Variants in BRIP1 observed in about 807,000 individuals in gnomAD.
The protein encoded by BRIP1 is Fanconi anemia group J protein.
BRIP1 carries 88 observed loss-of-function variants against 119.7 expected under a neutral mutation model. The observed-to-expected ratio is 0.74, with a 90% confidence interval of 0.62 to 0.88. The LOEUF is 0.88. Ranked by LOEUF, BRIP1 falls within the 40% of genes least tolerant of loss-of-function variation. The pLI is 0.00. For synonymous variants in BRIP1, 443 were observed against 496.5 expected, an observed-to-expected ratio of 0.89 and a Z score of 1.43; for missense variants, 1,259 against 1,455.4, an observed-to-expected ratio of 0.87 and a Z score of 2.20.
intron 6 of BRIP1, among the ~76,000 whole-genome samples, chr17:61,836,871 C>T (rs1253917300): frequency 1.3e-5 from 2 of 152,124 alleles, no homozygotes; most frequent in African/African-American, 4.8e-5. Context: ...AAAAAGTCAT[C>T]TGGAAGAGTT....
intron 14 of BRIP1, among the ~76,000 whole-genome samples, chr17:61,771,015 A>G (rs2077440112): frequency 1.3e-5 from 2 of 152,246 alleles, no homozygotes; most frequent in South Asian, 4.1e-4. Context: ...TGCTCCAACT[A>G]TATGCTGTCT....
intron 4 of BRIP1, among the ~76,000 whole-genome samples, chr17:61,850,380 C>G (rs931539193): frequency 4.0e-5 from 6 of 151,862 alleles, no homozygotes; most frequent in Non-Finnish European, 8.8e-5. Context: ...GGATTACAGG[C>G]GTGAGCCACC....
Position 61,680,375 on chromosome 17 carries a change from G to C in BRIP1, c.*2921C>G, listed in dbSNP as rs1383750488. Among the ~76,000 whole-genome samples the C allele has an allele frequency of 6.6e-6, 1 of 151,262 alleles. No homozygotes were observed. The highest frequency in any genetic ancestry group is 1.9e-4 in the East Asian group (1 of 5,158). On this transcript the variant is annotated 3_prime_UTR_variant, in exon 20 of 20. Transcript: ENST00000259008. ...AAACAAACAAACAAAAACATATCTA[G>C]CTAGGGAAAGGGGAAAGTATTGGAG...
chr17:61,838,967 C>T (rs1320301617), intron 6 of BRIP1, among the ~76,000 whole-genome samples: 1 of 151,924 alleles, frequency 6.6e-6, no homozygotes, highest in African/African-American at 2.4e-5. Flanking sequence ...CATGAAACCA[C>T]CTATCCCAAA....
intron 19 of BRIP1, 151 bp downstream of exon 19, chr17:61,685,685 A>G: frequency 1.3e-6 from 1 of 753,674 alleles, no homozygotes; most frequent in Non-Finnish European, 2.1e-6. Flanking sequence ...TTCCCATTAC[A>G]GTACACCATA....
In BRIP1 at chr17:61,804,774, A is replaced by G. The variant is rs1437776848; in HGVS notation, c.919-3300T>C. Among the ~76,000 whole-genome samples, 1 of 151,822 alleles carries G rather than the reference A, an allele frequency of 6.6e-6. No individual in the cohort carries two copies. The highest frequency in any genetic ancestry group is 2.4e-5 in the African/African-American group (1 of 41,406). Reference sequence around the variant, plus strand: ...AATTATTAAAATTATAAAATATAAAAATAATTAGTCTAACAAGGTTCAGCA... The same window carrying G: ...AATTATTAAAATTATAAAATATAAAGATAATTAGTCTAACAAGGTTCAGCA... On this transcript the variant is annotated intron_variant, in intron 7 of 19. Coordinates refer to ENST00000259008, the MANE Select transcript of BRIP1 (RefSeq NM_032043.3). This position sits in a 1 kb window ranked among gnomAD's most constrained non-coding sequence, Gnocchi z 4.5.
At chr17:61,829,995 C>T (rs919015875) in intron 6 of BRIP1, among the ~76,000 whole-genome samples, 2 of 151,158 alleles carry the variant, frequency 1.3e-5, no homozygotes, top group African/African-American at 4.9e-5. Context: ...TGCAATGGCA[C>T]GATCTCAGCT....
intron 8 of BRIP1, among the ~76,000 whole-genome samples, chr17:61,800,876 T>C (rs563360494): frequency 4.6e-5 from 7 of 152,296 alleles, no homozygotes; most frequent in Admixed American, 4.6e-4. Flanking sequence ...CAAACACAAA[T>C]GCCATTATCT....
intron 16 of BRIP1, among the ~76,000 whole-genome samples, chr17:61,732,731 G>A (rs978339682): frequency 2.2e-4 from 33 of 150,424 alleles, no homozygotes; most frequent in East Asian, 2.0e-4. Flanking sequence ...TTGCTCTGTC[G>A]CCCAGACTGG....
At position 61,743,061 on chromosome 17, in the gene BRIP1, A is replaced by G; in HGVS notation, c.2331T>C (p.Arg777=). 1 of 1,613,986 alleles carries G rather than the reference A, an allele frequency of 6.2e-7. No individual in the cohort carries two copies. ...EGLDFSDDNA[R]AVITIGIPFP... ...AAGGAATTCCTATTGTTATGACAGC[A>G]CGGGCATTGTCATCTGAGAAATCCA... Residue 777 remains arginine (R), a synonymous_variant, in exon 16 of 20, where the codon CGT becomes CGC. Coordinates refer to ENST00000259008, the MANE Select transcript of BRIP1 (RefSeq NM_032043.3). The surrounding 1 kb of genome is among the most constrained non-coding windows in gnomAD (Gnocchi z 4.3).
At chr17:61,787,248 A>G (rs2077737487) in intron 10 of BRIP1, among the ~76,000 whole-genome samples, 2 of 70,362 alleles carry the variant, frequency 2.8e-5, no homozygotes. Flanking sequence ...ATAAAAATAT[A>G]TTATATACTA....
rs752780954 is a variant in BRIP1 at position 61,686,008 on chromosome 17, C to CA, written c.2732dup (p.Thr912AspfsTer27). On this transcript the variant is annotated frameshift_variant, in exon 19 of 20. Transcript: ENST00000259008. LOFTEE classifies it high-confidence loss of function. This position sits in a 1 kb window ranked among gnomAD's most constrained non-coding sequence, Gnocchi z 5.4. ...GTGAGGTACTGTACTTTAAAGAGGT[C>CA]ACTTCAAGTGTAGACTCATTGTCCT... 17 of 1,613,850 alleles carry CA rather than the reference C, an allele frequency of 1.1e-5. No homozygotes were observed. Among genetic ancestry groups the CA allele is most frequent in the Non-Finnish European group, 1.4e-5 (17 of 1,179,930 alleles).
In BRIP1 at chr17:61,710,690, G is replaced by C. The variant is rs556279100; in HGVS notation, c.2492+5261C>G. 6.6e-6 allele frequency among the ~76,000 whole-genome samples: 1 copy of C among 152,256 alleles called. No individual in the cohort carries two copies. The highest frequency in any genetic ancestry group is 6.5e-5 in the Admixed American group (1 of 15,294). ...AGAGGTAGAGGATAAGGATGAAAAA[G>C]CAGGTATTACAGTTTTAGAAATGGA... On this transcript the variant is annotated intron_variant, in intron 17 of 19. Coordinates refer to ENST00000259008, the MANE Select transcript of BRIP1 (RefSeq NM_032043.3). The surrounding 1 kb of genome is among the most constrained non-coding windows in gnomAD (Gnocchi z 5.4).
intron 10 of BRIP1, among the ~76,000 whole-genome samples, chr17:61,787,801 C>A (rs1476488858): frequency 6.6e-6 from 1 of 152,100 alleles, no homozygotes; most frequent in Non-Finnish European, 1.5e-5. Context: ...CCCGCCACCA[C>A]GCCCGGCTAA....
In BRIP1 at chr17:61,693,627, TTTG is replaced by T. The variant is rs745813575; in HGVS notation, c.2493-118_2493-116del. ...CAATTTTATAGATTCCTTTAAACAA[TTTG>T]TTATTATCAGAAAAGTTACAGAAGC... is the stretch of plus-strand genomic sequence containing the variant. On this transcript the variant is annotated intron_variant, in intron 17 of 19. Coordinates refer to ENST00000259008, the MANE Select transcript of BRIP1 (RefSeq NM_032043.3). This position sits in a 1 kb window ranked among gnomAD's most constrained non-coding sequence, Gnocchi z 4.2. The T allele has an allele frequency of 2.1e-5, 18 of 837,750 alleles. 1 individual carries two copies. Among genetic ancestry groups the T allele is most frequent in the Non-Finnish European group, 2.9e-5 (15 of 511,450 alleles). The allele number at this position is 837,750 out of a possible 1,614,324, so 51.9% of individuals were successfully genotyped here.
chr17:61,852,622 C>A lies in BRIP1; in HGVS notation c.380-3366G>T, dbSNP rs142323293. 3.9e-3 allele frequency among the ~76,000 whole-genome samples: 587 copies of A among 152,132 alleles called. 4 individuals are homozygous for A. Among genetic ancestry groups the A allele is most frequent in the African/African-American group, 0.013 (559 of 41,518 alleles). ...GCTGGCCAGTGCAGTGAGTTGAGAT[C>A]GCACCACTGCACTCTAGCCTGAGCG... On this transcript the variant is annotated intron_variant, in intron 4 of 19. Transcript: ENST00000259008. The surrounding 1 kb of genome is among the most constrained non-coding windows in gnomAD (Gnocchi z 4.9).
In BRIP1 at chr17:61,825,054, G is replaced by C. The variant is rs374441183; in HGVS notation, c.628-16297C>G. Among the ~76,000 whole-genome samples, 11 of 152,298 alleles carry C rather than the reference G, an allele frequency of 7.2e-5. No individual in the cohort carries two copies. The highest frequency in any genetic ancestry group is 2.2e-4 in the African/African-American group (9 of 41,574). On this transcript the variant is annotated intron_variant, in intron 6 of 19. Transcript: ENST00000259008. The surrounding 1 kb of genome is among the most constrained non-coding windows in gnomAD (Gnocchi z 4.1). ...TAATCCCAACACTTTGGGAGGCTGAGGCAGGCGGATCGCAAGGTCAGGAGA... is the reference window on the plus strand; with the variant it reads ...TAATCCCAACACTTTGGGAGGCTGACGCAGGCGGATCGCAAGGTCAGGAGA...
chr17:61,715,296 C>A (rs1196122745), intron 17 of BRIP1, among the ~76,000 whole-genome samples: 2 of 151,738 alleles, frequency 1.3e-5, no homozygotes, highest in Non-Finnish European at 2.9e-5. Flanking sequence ...TATCACTATA[C>A]ATAAAAGGCA....
At position 61,848,357 on chromosome 17, in the gene BRIP1, A is replaced by C. The variant is rs2078765091; in HGVS notation, c.507+772T>G. Among the ~76,000 whole-genome samples the C allele has an allele frequency of 1.4e-5, 2 of 142,430 alleles. No individual in the cohort carries two copies. The highest frequency in any genetic ancestry group is 1.4e-4 in the Admixed American group (2 of 14,456). 93.4% of individuals were successfully genotyped at this position (142,430 alleles called of 152,430 possible). On this transcript the variant is annotated intron_variant, in intron 5 of 19. Coordinates refer to ENST00000259008, the MANE Select transcript of BRIP1 (RefSeq NM_032043.3). The surrounding 1 kb of genome is among the most constrained non-coding windows in gnomAD (Gnocchi z 4.3). ...CATGTCTGATGAGCCTGTAGGGCTC[A>C]TGCCACCACACCCGGTCTTTTTTTT...
Sources: gnomAD v4.1 joint callset for allele counts (sites outside exome capture counted in the v4.1 genomes callset) on GRCh38, gnomAD v4.1.1 for gene constraint, Gnocchi (gnomAD v3.1) non-coding constraint, MANE v1.5 for transcripts, NCBI Gene and HGNC (gene_info 2026-07-23, HGNC 2026-07-21) for gene names.